The following IQSEC1 variants were observed in gnomAD, a reference collection of about 807,000 sequenced individuals.
The protein encoded by IQSEC1 is IQ motif and Sec7 domain ArfGEF 1, also known as IQ motif and SEC7 domain-containing protein 1.
Under a neutral mutation model 91.0 loss-of-function variants are expected in IQSEC1, and 31 were observed. That is an observed-to-expected ratio of 0.34 (90% CI 0.26 to 0.46). The LOEUF (loss-of-function observed/expected upper bound fraction) is 0.46, where lower values mean the gene tolerates loss of function less well. Ranked by LOEUF, IQSEC1 falls within the 20% of genes least tolerant of loss-of-function variation. The pLI, the probability that IQSEC1 is intolerant of heterozygous loss-of-function variation, is 1.00. For synonymous variants in IQSEC1, 699 were observed against 662.6 expected, an observed-to-expected ratio of 1.05 and a Z score of -0.84; for missense variants, 1,388 against 1,575.6, an observed-to-expected ratio of 0.88 and a Z score of 2.02.
chr3:13,185,866 C>T (rs770525921), intron 1 of IQSEC1, among the ~76,000 whole-genome samples: 4 of 152,254 alleles, frequency 2.6e-5, no homozygotes, highest in East Asian at 1.9e-4. Flanking sequence ...GGCTGGCCCA[C>T]TTTTCTGGGC....
chr3:13,090,450 G>T (rs1705840158), intron 2 of IQSEC1, among the ~76,000 whole-genome samples: 1 of 152,188 alleles, frequency 6.6e-6, no homozygotes, highest in African/African-American at 2.4e-5. Flanking sequence ...TGAGCTCAAG[G>T]TGCTGCTCCC....
chr3:13,180,416 T>C (rs1222008910), intron 1 of IQSEC1, among the ~76,000 whole-genome samples: 2 of 152,152 alleles, frequency 1.3e-5, no homozygotes, highest in East Asian at 1.9e-4. Context: ...TGGAGAACCT[T>C]TATGTCTAGC....
chr3:13,100,263 G>A (rs1576249852), intron 2 of IQSEC1, among the ~76,000 whole-genome samples: 3 of 148,102 alleles, frequency 2.0e-5, no homozygotes, highest in African/African-American at 7.7e-5. Flanking sequence ...CAAAACAGAA[G>A]AATTGGCTGG....
At chr3:12,920,629 G>A (rs749232845) in intron 5 of IQSEC1, 33 bp from the exon 6 acceptor site, 4 of 1,608,912 alleles carry the variant, frequency 2.5e-6, no homozygotes, top group Non-Finnish European at 3.4e-6. Flanking sequence ...TCAGGGCCAT[G>A]GCGCAGCAAG....
At chr3:13,022,526 C>A in intron 1 of IQSEC1, 1 of 934,346 alleles carries the variant, frequency 1.1e-6, no homozygotes, top group Non-Finnish European at 1.3e-6. Flanking sequence ...GCTCAGCTGC[C>A]GGAGCCCAGG....
chr3:13,235,456 A>C (rs1457087076), intron 1 of IQSEC1, among the ~76,000 whole-genome samples: 1 of 152,104 alleles, frequency 6.6e-6, no homozygotes, highest in Non-Finnish European at 1.5e-5. Context: ...CCCTGCTCAC[A>C]AGTTGGGGCT....
At chr3:13,165,534 TGGC>T (rs1559267965) in intron 1 of IQSEC1, among the ~76,000 whole-genome samples, 3 of 9,952 alleles carry the variant, frequency 3.0e-4, no homozygotes, top group African/African-American at 7.7e-4. Context: ...GGTGGGGGGG[TGGC>T]GTGTGTGTGT....
intron 2 of IQSEC1, among the ~76,000 whole-genome samples, chr3:13,128,433 T>C (rs1182902867): frequency 6.6e-6 from 1 of 152,244 alleles, no homozygotes; most frequent in Non-Finnish European, 1.5e-5. Context: ...ATATGATGTC[T>C]CCTTTAGCCT....
intron 2 of IQSEC1, among the ~76,000 whole-genome samples, chr3:13,112,972 C>T (rs1317248690): frequency 3.9e-5 from 6 of 152,230 alleles, no homozygotes; most frequent in Non-Finnish European, 7.3e-5. Context: ...GATTAAAAAG[C>T]GGCTGGCGCA....
chr3:12,988,376 A>G (rs966993376), intron 1 of IQSEC1, among the ~76,000 whole-genome samples: 2 of 152,142 alleles, frequency 1.3e-5, no homozygotes, highest in African/African-American at 4.8e-5. Flanking sequence ...GATTGCGCCA[A>G]TGCACTCCAG....
chr3:13,275,045 C>T (rs1050437465), intron 1 of IQSEC1, among the ~76,000 whole-genome samples: 5 of 152,220 alleles, frequency 3.3e-5, no homozygotes, highest in Admixed American at 2.0e-4. Flanking sequence ...GTGTGAATCC[C>T]GCCGCTGCCA....
In IQSEC1 at chr3:12,935,751, T is replaced by A; in HGVS notation, c.1265A>T (p.Glu422Val). ...GGGCCTGGGGGGCCGGGGCCGCAACTCAGGCTCCTCCCGGGGGAGGCTCTT... is the reference window on the plus strand; with the variant it reads ...GGGCCTGGGGGGCCGGGGCCGCAACACAGGCTCCTCCCGGGGGAGGCTCTT... ...APKSLPREEPELRPRPPRPLD... is the reference protein window; with the variant it reads ...APKSLPREEPVLRPRPPRPLD... The change falls in exon 3 of 14, where the codon GAG becomes GTG. Residue 422 changes from glutamate to valine, a missense_variant. By Grantham distance (121) the Glu-to-Val change is moderately radical. Around this residue, in one of 2 missense-constraint regions of IQSEC1, gnomAD observed 1,059 missense variants for 1,317.8 expected, o/e 0.80. Transcript: ENST00000613206. This position sits in a 1 kb window ranked among gnomAD's most constrained non-coding sequence, Gnocchi z 8.0. 3 of 1,609,210 alleles carry A rather than the reference T, an allele frequency of 1.9e-6. No individual in the cohort carries two copies. The highest frequency in any genetic ancestry group is 2.5e-6 in the Non-Finnish European group (3 of 1,179,580).
chr3:13,187,484 T>A (rs1258487915), intron 1 of IQSEC1, among the ~76,000 whole-genome samples: 1 of 152,222 alleles, frequency 6.6e-6, no homozygotes, highest in Non-Finnish European at 1.5e-5. Flanking sequence ...TTTGAATTAA[T>A]CTGAATATAT....
At chr3:13,164,675 T>G (rs1362042603) in intron 1 of IQSEC1, among the ~76,000 whole-genome samples, 1 of 152,164 alleles carries the variant, frequency 6.6e-6, no homozygotes, top group Non-Finnish European at 1.5e-5. Flanking sequence ...AATTGGACAA[T>G]CAGATTGTAT....
intron 1 of IQSEC1, among the ~76,000 whole-genome samples, chr3:13,255,009 T>C (rs1695262024): frequency 6.6e-6 from 1 of 152,078 alleles, no homozygotes. Flanking sequence ...CCCTCGACAA[T>C]CAGAGCGGAC....
chr3:12,964,829 GCACACACATGCA>G (rs1377678357), intron 1 of IQSEC1, among the ~76,000 whole-genome samples: 2 of 151,892 alleles, frequency 1.3e-5, no homozygotes, highest in African/African-American at 4.8e-5. Flanking sequence ...ACACACAGAT[GCACACACATGCA>G]CACACACATA....
In IQSEC1 at chr3:12,897,729, C is replaced by T. The variant is rs1233934565; in HGVS notation, c.*3254G>A. The T allele has an allele frequency of 6.6e-6, 1 of 152,178 alleles. No homozygotes were observed. Among genetic ancestry groups the T allele is most frequent in the African/African-American group, 2.4e-5 (1 of 41,430 alleles). 9.4% of individuals were successfully genotyped at this position (152,178 alleles called of 1,614,324 possible). A position where few individuals can be genotyped will look rare whatever the true frequency, so the allele number is the denominator to read the frequency against. ...GCTTACCTGCGGGCACAGAGCTTCC[C>T]GTGGCGCTGAGTCAACACCCAGCAT... On this transcript the variant is annotated 3_prime_UTR_variant, in exon 14 of 14. Transcript: ENST00000613206.
intron 2 of IQSEC1, among the ~76,000 whole-genome samples, chr3:13,088,181 T>G (rs1316136394): frequency 6.6e-6 from 1 of 152,202 alleles, no homozygotes; most frequent in Non-Finnish European, 1.5e-5. Context: ...GTCTGTCCCG[T>G]AACTGCTGAG....
In IQSEC1 at chr3:12,899,514, C is replaced by G; in HGVS notation, c.*1469G>C. Reference sequence around the variant, plus strand: ...GGCCCTGGGGAGCGCATGGTGTCACCACAACACAGAAGCGACAAGAGCACA... The same window carrying G: ...GGCCCTGGGGAGCGCATGGTGTCACGACAACACAGAAGCGACAAGAGCACA... On this transcript the variant is annotated 3_prime_UTR_variant, in exon 14 of 14. Coordinates refer to ENST00000613206, the MANE Select transcript of IQSEC1 (RefSeq NM_001134382.3). The G allele has an allele frequency of 6.4e-7, 1 of 1,552,274 alleles. No homozygotes were observed. The highest frequency in any genetic ancestry group is 1.2e-5 in the South Asian group (1 of 85,426).
Sources: gnomAD v4.1 joint callset for allele counts (sites outside exome capture counted in the v4.1 genomes callset) on GRCh38, gnomAD v4.1.1 for gene constraint, gnomAD v4.1.1 regional missense constraint, Gnocchi (gnomAD v3.1) non-coding constraint, MANE v1.5 for transcripts, NCBI Gene and HGNC (gene_info 2026-07-23, HGNC 2026-07-21) for gene names.